Variants in NPSR1 observed in about 807,000 individuals in gnomAD.
The protein encoded by NPSR1 is neuropeptide S receptor.
In NPSR1, 48 loss-of-function variants were observed where a neutral mutation model predicts 46.9. The ratio of observed to expected loss-of-function variants is 1.02; its 90% CI spans 0.81 to 1.30. The LOEUF is 1.30. Among genes scored for constraint, NPSR1 ranks in the 50% most tolerant of loss-of-function variants. The pLI, the probability that NPSR1 is intolerant of heterozygous loss-of-function variation, is 0.00. For synonymous variants in NPSR1, 176 were observed against 168.1 expected (o/e 1.05, Z -0.36); for missense variants, 450 against 449.5 (o/e 1.00, Z -0.01).
chr7:34,861,018 T>A (rs1791181147), intron 8 of NPSR1, among the ~76,000 whole-genome samples: 1 of 151,884 alleles, frequency 6.6e-6, no homozygotes, highest in Non-Finnish European at 1.5e-5. Context: ...ACTGTTTGTA[T>A]CCATTTGCAG....
At chr7:34,823,415 A>AC (rs1242424944) in intron 4 of NPSR1, among the ~76,000 whole-genome samples, 3 of 132,520 alleles carry the variant, frequency 2.3e-5, no homozygotes, top group Non-Finnish European at 4.5e-5. Context: ...AAAAAAAAAA[A>AC]ACAACACCAT....
chr7:34,749,755 TAGA>T (rs978345493), intron 2 of NPSR1, among the ~76,000 whole-genome samples: 2 of 152,250 alleles, frequency 1.3e-5, no homozygotes, highest in African/African-American at 4.8e-5. Context: ...TTCGTATCCT[TAGA>T]AGGTTTCCGT....
chr7:34,750,740 C>T (rs1785475774), intron 2 of NPSR1: 1 of 694,726 alleles, frequency 1.4e-6, no homozygotes, highest in Non-Finnish European at 2.7e-6. Flanking sequence ...CTTGCAAGGG[C>T]CTTGCTCTGT....
At chr7:34,757,261 C>G (rs1394351522) in intron 2 of NPSR1, among the ~76,000 whole-genome samples, 1 of 152,112 alleles carries the variant, frequency 6.6e-6, no homozygotes, top group African/African-American at 2.4e-5. Flanking sequence ...AATAGTCACT[C>G]CTTCTGTTAG....
intron 6 of NPSR1, among the ~76,000 whole-genome samples, chr7:34,842,881 G>A (rs977973261): frequency 6.6e-6 from 1 of 152,204 alleles, no homozygotes; most frequent in Non-Finnish European, 1.5e-5. Context: ...TTTGCCTTCA[G>A]TTCTCTCCTC....
intron 2 of NPSR1, among the ~76,000 whole-genome samples, chr7:34,733,395 G>C (rs1402065825): frequency 2.0e-5 from 3 of 149,142 alleles, no homozygotes; most frequent in Non-Finnish European, 3.0e-5. Context: ...CTCCACCCTG[G>C]GTAACAAAGC....
chr7:34,859,371 C>T (rs1321951866), intron 8 of NPSR1, among the ~76,000 whole-genome samples: 1 of 151,626 alleles, frequency 6.6e-6, no homozygotes, highest in African/African-American at 2.4e-5. Flanking sequence ...TCCAAAGAGT[C>T]TCCTCCTGCT....
chr7:34,751,559 G>A, intron 2 of NPSR1: 1 of 1,593,236 alleles, frequency 6.3e-7, no homozygotes, highest in Non-Finnish European at 8.6e-7. Context: ...TTCTCCTTGG[G>A]ATCTTTGGTC....
chr7:34,706,114 T>C (rs1481394418), intron 2 of NPSR1, among the ~76,000 whole-genome samples: 2 of 152,050 alleles, frequency 1.3e-5, no homozygotes, highest in African/African-American at 4.8e-5. Flanking sequence ...CAAAAAAAAA[T>C]CTAAAGTCAG....
In NPSR1 at chr7:34,835,781, A is replaced by G. The variant is rs1156801366; in HGVS notation, c.757+1321A>G. 3.9e-5 allele frequency among the ~76,000 whole-genome samples: 6 copies of G among 152,212 alleles called. No individual in the cohort carries two copies. The East Asian group carries it at 1.2e-3, about 29-fold the overall frequency. ...CAAAGAATGAATAGCATGGTTCCTG[A>G]CTATAGGCAGCTTACAGTCTAGGGC... On this transcript the variant is annotated intron_variant, in intron 6 of 8. Transcript: ENST00000360581.
In NPSR1 at chr7:34,823,399, G is replaced by GAAAAA. The variant is rs577186339; in HGVS notation, c.479-3989_479-3985dup. Among the ~76,000 whole-genome samples the GAAAAA allele has an allele frequency of 3.6e-3, 243 of 68,100 alleles. 1 individual carries two copies. The highest frequency in any genetic ancestry group is 0.017 in the Middle Eastern group (2 of 118). The allele number at this position is 68,100 out of a possible 152,430, so 44.7% of individuals were successfully genotyped here. On this transcript the variant is annotated intron_variant, in intron 4 of 8. Coordinates refer to ENST00000360581, the MANE Select transcript of NPSR1 (RefSeq NM_207172.2). Reference sequence around the variant, plus strand: ...TTGGCAACAGAGCAAGACTTCACCAGAAAAAAAAAAAAAAAAACAACACCA... The same window carrying GAAAAA: ...TTGGCAACAGAGCAAGACTTCACCAGAAAAAAAAAAAAAAAAAAAAAACAACACCA...
intron 2 of NPSR1, among the ~76,000 whole-genome samples, chr7:34,731,345 G>T (rs1407896762): frequency 2.6e-5 from 4 of 152,018 alleles, no homozygotes; most frequent in South Asian, 2.1e-4. Context: ...GTTTAATTTT[G>T]CCAAAAACTA....
At chr7:34,834,252 T>G in intron 5 of NPSR1, 132 bp from the exon 6 acceptor site, 1 of 699,544 alleles carries the variant, frequency 1.4e-6, no homozygotes, top group East Asian at 2.5e-5. Flanking sequence ...ACAGCAAGTA[T>G]AAGGGGGCAG....
At chr7:34,729,989 G>C (rs1784347233) in intron 2 of NPSR1, among the ~76,000 whole-genome samples, 1 of 152,204 alleles carries the variant, frequency 6.6e-6, no homozygotes, top group Non-Finnish European at 1.5e-5. Flanking sequence ...GGCCAGGCTA[G>C]TCTGGAACTC....
At position 34,750,581 on chromosome 7, in the gene NPSR1, C is replaced by T. The variant is rs1019304516; in HGVS notation, c.281-27881C>T. ...AATCCCATCCAAACCTCTGGCATGA[C>T]AGGCCTGAAGCTTTTGCTCAAATTC... On this transcript the variant is annotated intron_variant, in intron 2 of 8. Coordinates refer to ENST00000360581, the MANE Select transcript of NPSR1 (RefSeq NM_207172.2). The T allele has an allele frequency of 8.4e-5, 58 of 692,476 alleles. 1 individual carries two copies. The East Asian group carries it at 1.6e-3, about 19-fold the overall frequency. 42.9% of individuals were successfully genotyped at this position (692,476 alleles called of 1,614,324 possible).
At chr7:34,797,416 G>C (rs1246289263) in intron 3 of NPSR1, among the ~76,000 whole-genome samples, 2 of 152,164 alleles carry the variant, frequency 1.3e-5, no homozygotes, top group Non-Finnish European at 2.9e-5. Context: ...GTGAGGCTCT[G>C]TGTATGGGGG....
At chr7:34,763,602 T>C (rs1786284797) in intron 2 of NPSR1, among the ~76,000 whole-genome samples, 1 of 152,078 alleles carries the variant, frequency 6.6e-6, no homozygotes, top group South Asian at 2.1e-4. Flanking sequence ...CAAGCCAATC[T>C]CAGTACTCAG....
intron 6 of NPSR1, among the ~76,000 whole-genome samples, chr7:34,843,248 T>C (rs141157020): frequency 4.4e-4 from 67 of 152,348 alleles, no homozygotes; most frequent in African/African-American, 1.4e-3. Flanking sequence ...CTTATGGTTC[T>C]AGAGGCTGGG....
chr7:34,783,172 G>A (rs1428300478), intron 3 of NPSR1, among the ~76,000 whole-genome samples: 2 of 152,134 alleles, frequency 1.3e-5, no homozygotes, highest in African/African-American at 2.4e-5. Flanking sequence ...CAATGCATTA[G>A]TCCATTCTCA....
Sources: gnomAD v4.1 joint callset for allele counts (sites outside exome capture counted in the v4.1 genomes callset) on GRCh38, gnomAD v4.1.1 for gene constraint, MANE v1.5 for transcripts, NCBI Gene and HGNC (gene_info 2026-07-23, HGNC 2026-07-21) for gene names.